ATP13A3: variants seen among roughly 807,000 people sequenced by gnomAD.
ATP13A3 encodes polyamine-transporting ATPase 13A3.
ATP13A3 carries 59 observed loss-of-function variants against 158.1 expected under a neutral mutation model. The observed-to-expected ratio is 0.37, with a 90% CI of 0.30 to 0.46. The LOEUF is 0.46. Ranked by LOEUF, ATP13A3 falls within the 20% of genes least tolerant of loss-of-function variation. The probability of loss-of-function intolerance (pLI) is 1.00; values close to 1 mark genes in which losing one functional copy is unlikely to be tolerated. For synonymous variants in ATP13A3, 491 were observed against 504.3 expected (o/e 0.97, Z 0.35); for missense variants, 1,166 against 1,525.2 (o/e 0.76, Z 3.92).
chr3:194,409,236 G>C (rs551364677), intron 33 of ATP13A3, among the ~76,000 whole-genome samples: 1 of 152,150 alleles, frequency 6.6e-6, no homozygotes, highest in Admixed American at 6.5e-5. Context: ...CATGCTTGAA[G>C]GAAAAATGTT....
At chr3:194,406,362 C>T (rs930884836) in intron 33 of ATP13A3, among the ~76,000 whole-genome samples, 4 of 152,120 alleles carry the variant, frequency 2.6e-5, no homozygotes, top group South Asian at 4.2e-4. Context: ...CCCAGGAGTT[C>T]GAGACCAGCC....
In ATP13A3 at chr3:194,431,149, T is replaced by C. The variant is rs1717190880; in HGVS notation, c.2499A>G (p.Lys833=). ...AATGCTCCAGTATCACTGAGAATGA[T>C]TTTCCATTCATTGCAAAATGATAAC... The part of the protein sequence containing the change: ...MTRYHFAMNG[K]SFSVILEHFQ... Residue 833 remains lysine (K), a synonymous_variant, in exon 23 of 34, where the codon AAA becomes AAG. Transcript: ENST00000645319. 6 of 1,613,848 alleles carry C rather than the reference T, an allele frequency of 3.7e-6. No individual in the cohort carries two copies. The highest frequency in any genetic ancestry group is 1.3e-5 in the African/African-American group (1 of 74,946).
At chr3:194,454,192 A>T in intron 9 of ATP13A3, 66 bp downstream of exon 9, 1 of 1,439,112 alleles carries the variant, frequency 6.9e-7, no homozygotes, top group Non-Finnish European at 9.6e-7. Flanking sequence ...GTACTATTCT[A>T]CACACATTAG....
At chr3:194,406,990 G>C (rs1714986312) in intron 33 of ATP13A3, among the ~76,000 whole-genome samples, 1 of 152,120 alleles carries the variant, frequency 6.6e-6, no homozygotes, top group Non-Finnish European at 1.5e-5. Context: ...GATCAATCCT[G>C]ATGTTTTTAG....
chr3:194,414,440 G>A (rs1715664694), intron 31 of ATP13A3, among the ~76,000 whole-genome samples: 1 of 148,398 alleles, frequency 6.7e-6, no homozygotes, highest in Non-Finnish European at 1.5e-5. Context: ...TCCAGCGTGG[G>A]TGACAGAAGA....
chr3:194,484,631 G>A (rs997177340), intron 2 of ATP13A3, among the ~76,000 whole-genome samples: 3 of 152,134 alleles, frequency 2.0e-5, no homozygotes, highest in Non-Finnish European at 2.9e-5. Flanking sequence ...TTATACTTGT[G>A]AATGACAACA....
At chr3:194,417,910 G>A (rs1351560462) in intron 31 of ATP13A3, among the ~76,000 whole-genome samples, 2 of 147,064 alleles carry the variant, frequency 1.4e-5, no homozygotes, top group African/African-American at 5.0e-5. Context: ...ACAGTGAGCT[G>A]AGATCATACC....
chr3:194,432,991 T>C (rs1304533396), intron 21 of ATP13A3, among the ~76,000 whole-genome samples: 1 of 152,092 alleles, frequency 6.6e-6, no homozygotes, highest in Non-Finnish European at 1.5e-5. Context: ...ATCTTACATA[T>C]AAACATTTCA....
chr3:194,459,599 T>C (rs1457323625), intron 5 of ATP13A3, 58 bp from the exon 6 acceptor site: 4 of 1,376,608 alleles, frequency 2.9e-6, no homozygotes, highest in Middle Eastern at 1.8e-4. Context: ...TGATATGTAA[T>C]CTGTTACTTC....
chr3:194,424,925 T>C (rs997539760), intron 30 of ATP13A3, among the ~76,000 whole-genome samples: 1 of 152,164 alleles, frequency 6.6e-6, no homozygotes. Flanking sequence ...GAAAGTATAA[T>C]ACCTACTGTT....
intron 20 of ATP13A3, among the ~76,000 whole-genome samples, chr3:194,435,262 T>C (rs1717540569): frequency 6.6e-6 from 1 of 152,198 alleles, no homozygotes; most frequent in African/African-American, 2.4e-5. Context: ...CAAAGCTGTA[T>C]CAATGTGAAG....
chr3:194,459,730 T>C lies in ATP13A3; in HGVS notation c.408+59A>G, dbSNP rs1341881755. Reference sequence around the variant, plus strand: ...ACACAAAATTATAGAATATACATGATAGCATAAAATGTAACAATTCTGATT... The same window carrying C: ...ACACAAAATTATAGAATATACATGACAGCATAAAATGTAACAATTCTGATT... On this transcript the variant is annotated intron_variant, in intron 5 of 33. Transcript: ENST00000645319. 12 of 1,520,462 alleles carry C rather than the reference T, an allele frequency of 7.9e-6. No individual in the cohort carries two copies. The East Asian group carries it at 1.1e-4, about 14-fold the overall frequency. The allele number at this position is 1,520,462 out of a possible 1,614,324, so 94.2% of individuals were successfully genotyped here. A position where few individuals can be genotyped will look rare whatever the true frequency, so the allele number is the denominator to read the frequency against.
intron 2 of ATP13A3, among the ~76,000 whole-genome samples, chr3:194,463,885 C>A (rs901064799): frequency 6.6e-6 from 1 of 152,216 alleles, no homozygotes; most frequent in African/African-American, 2.4e-5. Context: ...ATCTGCCCAG[C>A]GTGGTGGCTC....
At position 194,429,728 on chromosome 3, in the gene ATP13A3, T is replaced by A. The variant is rs777587040; in HGVS notation, c.2824A>T (p.Met942Leu). 6.2e-7 allele frequency: 1 copy of A among 1,614,008 alleles called. No individual in the cohort carries two copies. The change falls in exon 27 of 34, where the codon ATG becomes TTG. Residue 942 changes from methionine to leucine, a missense_variant. This residue lies in a region of ATP13A3 where 997 missense variants were observed against 1,341.2 expected (regional missense o/e 0.74). Transcript: ENST00000645319. ...TACTGGATAATGCTGTACAATGCCATGAATTTAAACACACAGAAGGAAGTT... is the reference window on the plus strand; with the variant it reads ...TACTGGATAATGCTGTACAATGCCAAGAATTTAAACACACAGAAGGAAGTT... ...LITSFCVFKFMALYSIIQYFS... is the reference protein window; with the variant it reads ...LITSFCVFKFLALYSIIQYFS...
At chr3:194,487,019 G>A (rs1320728679), upstream of ATP13A3, 1 of 152,014 alleles carries the variant, frequency 6.6e-6, no homozygotes, top group Non-Finnish European at 1.5e-5. Flanking sequence ...CCGGATGTGA[G>A]GTCACGTGGT....
rs1446073125 is a variant in ATP13A3, at chr3:194,405,487, T to C, written c.*432A>G. ...GAGGCTAATTAACACTCATCTTCTT[T>C]TTATCAATCACAAACTTACAGCCTG... is the stretch of plus-strand genomic sequence containing the variant. On this transcript the variant is annotated 3_prime_UTR_variant, in exon 34 of 34. Transcript: ENST00000645319. 1 of 158,366 alleles carries C rather than the reference T, an allele frequency of 6.3e-6. No individual in the cohort carries two copies. The highest frequency in any genetic ancestry group is 1.4e-5 in the Non-Finnish European group (1 of 71,898). 9.8% of individuals were successfully genotyped at this position (158,366 alleles called of 1,614,324 possible). A position where few individuals can be genotyped will look rare whatever the true frequency, so the allele number is the denominator to read the frequency against.
chr3:194,473,367 A>G (rs6765913), intron 2 of ATP13A3, among the ~76,000 whole-genome samples: 21,492 of 152,112 alleles, frequency 0.14, 1,646 homozygotes, highest in South Asian at 0.28. Flanking sequence ...GGAATCTTGC[A>G]AAGTTGTAAA....
At chr3:194,459,170 C>T in intron 6 of ATP13A3, 1 of 325,166 alleles carries the variant, frequency 3.1e-6, no homozygotes, top group Non-Finnish European at 5.7e-6. Context: ...GAGACACAGG[C>T]TATGAGGTAT....
At chr3:194,434,817 G>A (rs1258618080) in intron 20 of ATP13A3, among the ~76,000 whole-genome samples, 1 of 152,154 alleles carries the variant, frequency 6.6e-6, no homozygotes. Context: ...TACTTGGAAG[G>A]CTTGAGGAGT....
Sources: allele counts gnomAD v4.1 joint callset (sites outside exome capture counted in the v4.1 genomes callset), GRCh38; gene constraint gnomAD v4.1.1; regional missense constraint gnomAD v4.1.1; transcripts MANE v1.5; gene names NCBI Gene and HGNC (gene_info 2026-07-23, HGNC 2026-07-21).